Variants in GRID1 observed in about 807,000 individuals in gnomAD.
GRID1 encodes the protein glutamate receptor ionotropic, delta-1.
Under a neutral mutation model 98.0 loss-of-function variants are expected in GRID1, and 28 were observed. The ratio of observed to expected loss-of-function variants is 0.29; its 90% CI spans 0.21 to 0.39. The LOEUF (loss-of-function observed/expected upper bound fraction) is 0.39, where lower values mean the gene tolerates loss of function less well. Ranked by LOEUF, GRID1 falls within the 10% of genes least tolerant of loss-of-function variation. The pLI is 1.00. For synonymous variants in GRID1, 553 were observed against 538.5 expected (o/e 1.03, Z -0.37); for missense variants, 1,111 against 1,340.5 (o/e 0.83, Z 2.67).
chr10:86,117,101 TACC>T (rs1360102339), intron 4 of GRID1, among the ~76,000 whole-genome samples: 11 of 139,190 alleles, frequency 7.9e-5, no homozygotes, highest in South Asian at 2.3e-4. Flanking sequence ...CCACCACCAT[TACC>T]ACCACCACCA....
intron 8 of GRID1, among the ~76,000 whole-genome samples, chr10:85,822,588 T>C (rs952176287): frequency 6.6e-6 from 1 of 152,180 alleles, no homozygotes; most frequent in African/African-American, 2.4e-5. Flanking sequence ...ACACCATTGG[T>C]GGGACTGTAA....
intron 2 of GRID1, among the ~76,000 whole-genome samples, chr10:86,307,879 G>A (rs78714900): frequency 0.063 from 9,510 of 152,148 alleles, 536 homozygotes; most frequent in African/African-American, 0.15. Flanking sequence ...CTTTGTTTTT[G>A]TTGATGTTTT....
At chr10:85,774,449 G>A (rs893576132) in intron 8 of GRID1, among the ~76,000 whole-genome samples, 3 of 151,980 alleles carry the variant, frequency 2.0e-5, no homozygotes, top group African/African-American at 7.2e-5. Context: ...CAAAAGCAAT[G>A]GCAACAAAAG....
chr10:85,945,481 T>C (rs893449522), intron 4 of GRID1, among the ~76,000 whole-genome samples: 9 of 152,322 alleles, frequency 5.9e-5, no homozygotes, highest in Non-Finnish European at 2.9e-5. Flanking sequence ...TCTGTCAGAT[T>C]TCCATATGTC....
intron 4 of GRID1, among the ~76,000 whole-genome samples, chr10:86,126,812 T>C (rs577878561): frequency 3.9e-5 from 6 of 152,326 alleles, no homozygotes; most frequent in East Asian, 1.9e-4. Context: ...CAGGGGAATC[T>C]TGGCAGAGCC....
At chr10:85,630,574 A>T (rs1842963776) in intron 13 of GRID1, among the ~76,000 whole-genome samples, 1 of 152,188 alleles carries the variant, frequency 6.6e-6, no homozygotes, top group African/African-American at 2.4e-5. Context: ...TGGCCCAATT[A>T]TTCATTTCAT....
At chr10:86,326,288 T>G (rs991510608) in intron 2 of GRID1, among the ~76,000 whole-genome samples, 3 of 152,230 alleles carry the variant, frequency 2.0e-5, no homozygotes, top group Admixed American at 6.5e-5. Flanking sequence ...GTTCATATTA[T>G]GAAGATGGGA....
intron 8 of GRID1, among the ~76,000 whole-genome samples, chr10:85,810,669 G>A (rs148147349): frequency 4.6e-5 from 7 of 152,208 alleles, no homozygotes; most frequent in East Asian, 3.9e-4. Flanking sequence ...TGCCCCGGCC[G>A]ACATGCCCCT....
At chr10:85,862,819 C>T (rs1048190427) in intron 6 of GRID1, among the ~76,000 whole-genome samples, 4 of 152,126 alleles carry the variant, frequency 2.6e-5, no homozygotes, top group African/African-American at 9.7e-5. Flanking sequence ...GGAGCAAAGG[C>T]CACCAGTGAG....
At chr10:86,323,415 T>A (rs1404861650) in intron 2 of GRID1, among the ~76,000 whole-genome samples, 1 of 152,244 alleles carries the variant, frequency 6.6e-6, no homozygotes, top group Non-Finnish European at 1.5e-5. Flanking sequence ...CATGGATGCA[T>A]ACAAGTCAAT....
chr10:85,971,254 G>A (rs1842403480), intron 4 of GRID1, among the ~76,000 whole-genome samples: 1 of 151,862 alleles, frequency 6.6e-6, no homozygotes, highest in Non-Finnish European at 1.5e-5. Context: ...CAAAATATAG[G>A]AAGATAGCTT....
chr10:85,702,702 C>T (rs1213054981), intron 12 of GRID1, among the ~76,000 whole-genome samples: 7 of 147,858 alleles, frequency 4.7e-5, no homozygotes, highest in East Asian at 4.0e-4. Flanking sequence ...AAGAGGAAGA[C>T]GGACAACAGA....
chr10:85,932,951 A>G (rs1841876559), intron 4 of GRID1, among the ~76,000 whole-genome samples: 2 of 152,188 alleles, frequency 1.3e-5, no homozygotes, highest in South Asian at 4.1e-4. Flanking sequence ...TCTTATATAG[A>G]ACTTGCTATG....
At chr10:85,923,384 C>G (rs1007245746) in intron 4 of GRID1, among the ~76,000 whole-genome samples, 1 of 152,148 alleles carries the variant, frequency 6.6e-6, no homozygotes, top group African/African-American at 2.4e-5. Context: ...AACCACAGCT[C>G]TGGGGGAGGC....
At chr10:86,119,993 G>C (rs1420123452) in intron 4 of GRID1, among the ~76,000 whole-genome samples, 2 of 151,876 alleles carry the variant, frequency 1.3e-5, no homozygotes, top group Non-Finnish European at 2.9e-5. Context: ...AGAAGAGAGG[G>C]GTTTCAACGT....
intron 2 of GRID1, among the ~76,000 whole-genome samples, chr10:86,333,003 C>A (rs1271930161): frequency 6.6e-6 from 1 of 152,208 alleles, no homozygotes; most frequent in Non-Finnish European, 1.5e-5. Flanking sequence ...TCACATCACC[C>A]CCAGCTTCAA....
chr10:85,905,971 T>C (rs1440410137), intron 5 of GRID1, among the ~76,000 whole-genome samples: 2 of 152,002 alleles, frequency 1.3e-5, no homozygotes, highest in African/African-American at 4.8e-5. Context: ...TTATAATGGA[T>C]AAAATAGCAA....
At chr10:86,150,535 G>A (rs1225515363) in intron 3 of GRID1, among the ~76,000 whole-genome samples, 1 of 152,186 alleles carries the variant, frequency 6.6e-6, no homozygotes, top group African/African-American at 2.4e-5. Flanking sequence ...GAATTTCCAG[G>A]GGCTCCAAAG....
At chr10:86,066,945 G>T (rs1341274984) in intron 4 of GRID1, among the ~76,000 whole-genome samples, 1 of 152,142 alleles carries the variant, frequency 6.6e-6, no homozygotes, top group African/African-American at 2.4e-5. Flanking sequence ...GCGGGCCACT[G>T]TCACACCTGT....
Sources: gnomAD v4.1 joint callset for allele counts (sites outside exome capture counted in the v4.1 genomes callset) on GRCh38, gnomAD v4.1.1 for gene constraint, MANE v1.5 for transcripts, NCBI Gene and HGNC (gene_info 2026-07-23, HGNC 2026-07-21) for gene names.